EYS: variants seen among roughly 807,000 people sequenced by gnomAD.
EYS encodes the protein protein eyes shut homolog.
EYS carries 250 observed loss-of-function variants against 282.1 expected under a neutral mutation model. That is an observed-to-expected ratio of 0.89 (90% confidence interval 0.80 to 0.98). The LOEUF is 0.98. Among genes scored for constraint, EYS ranks in the 50% least tolerant of loss-of-function variants. The pLI is 0.00. For missense variants in EYS, 4,016 were observed against 3,709.0 expected, an observed-to-expected ratio of 1.08 and a Z score of -2.15; for synonymous variants, 1,355 against 1,282.9, an observed-to-expected ratio of 1.06 and a Z score of -1.20.
intron 15 of EYS, among the ~76,000 whole-genome samples, chr6:64,938,786 T>TTAC (rs1175609203): frequency 2.0e-5 from 3 of 151,702 alleles, no homozygotes; most frequent in African/African-American, 7.2e-5. Flanking sequence ...CATTTCCAAC[T>TTAC]TACAATTTTT....
intron 14 of EYS, among the ~76,000 whole-genome samples, chr6:64,995,500 G>A (rs917539391): frequency 6.6e-6 from 1 of 152,054 alleles, no homozygotes; most frequent in African/African-American, 2.4e-5. Context: ...GCTATGAAAT[G>A]CTTTGAGCTT....
chr6:65,670,255 T>A (rs1457103953), intron 1 of EYS, among the ~76,000 whole-genome samples: 1 of 152,040 alleles, frequency 6.6e-6, no homozygotes, highest in Non-Finnish European at 1.5e-5. Context: ...AAACACTCTC[T>A]CATTAAAAGT....
intron 40 of EYS, among the ~76,000 whole-genome samples, chr6:63,775,993 C>T (rs1351049701): frequency 6.6e-6 from 1 of 152,004 alleles, no homozygotes; most frequent in African/African-American, 2.4e-5. Context: ...TAAGAGGATC[C>T]CCAAACTGGT....
At chr6:64,929,013 G>T (rs955935860) in intron 15 of EYS, among the ~76,000 whole-genome samples, 6 of 152,086 alleles carry the variant, frequency 3.9e-5, no homozygotes, top group African/African-American at 1.4e-4. Flanking sequence ...GGGTTGAATT[G>T]TATCTCCCCA....
chr6:64,886,651 T>G, intron 19 of EYS, 46 bp downstream of exon 19: 1 of 1,444,340 alleles, frequency 6.9e-7, no homozygotes, highest in Non-Finnish European at 9.2e-7. Flanking sequence ...TCTATTTGCT[T>G]GCAGACAGAA....
intron 33 of EYS, among the ~76,000 whole-genome samples, chr6:63,999,458 G>A (rs796587812): frequency 6.6e-5 from 10 of 152,030 alleles, no homozygotes; most frequent in African/African-American, 2.4e-4. Flanking sequence ...AATAAAAAGA[G>A]CTTCATGTGT....
At chr6:63,919,759 C>T (rs2149742841) in intron 35 of EYS, among the ~76,000 whole-genome samples, 1 of 152,354 alleles carries the variant, frequency 6.6e-6, no homozygotes, top group African/African-American at 2.4e-5. Context: ...CACACGTCCA[C>T]TCTGTTTTCT....
intron 33 of EYS, among the ~76,000 whole-genome samples, chr6:64,056,527 T>C (rs190214984): frequency 4.9e-4 from 74 of 152,294 alleles, no homozygotes; most frequent in African/African-American, 1.8e-3. Flanking sequence ...ACTGGAACTG[T>C]GTTTCTATTA....
intron 26 of EYS, among the ~76,000 whole-genome samples, chr6:64,583,632 C>A (rs1365288938): frequency 6.6e-6 from 1 of 152,032 alleles, no homozygotes; most frequent in African/African-American, 2.4e-5. Flanking sequence ...CCCATCTCTA[C>A]TAAAAATACA....
intron 40 of EYS, among the ~76,000 whole-genome samples, chr6:63,770,925 C>T (rs1769912560): frequency 6.6e-6 from 1 of 152,150 alleles, no homozygotes; most frequent in South Asian, 2.1e-4. Flanking sequence ...TCCCCTATGG[C>T]CTTCCTTTCT....
chr6:63,736,634 G>C (rs996241113), intron 41 of EYS, among the ~76,000 whole-genome samples: 56 of 152,108 alleles, frequency 3.7e-4, no homozygotes, highest in Non-Finnish European at 6.5e-4. Context: ...AAAGTCATTG[G>C]TAGCTTGATG....
At chr6:64,062,991 A>G (rs1771230939) in intron 33 of EYS, among the ~76,000 whole-genome samples, 1 of 152,188 alleles carries the variant, frequency 6.6e-6, no homozygotes, top group South Asian at 2.1e-4. Flanking sequence ...AGTGGACTGG[A>G]GCATTCGATA....
chr6:64,585,980 T>G (rs1766222594), intron 26 of EYS, among the ~76,000 whole-genome samples: 1 of 152,134 alleles, frequency 6.6e-6, no homozygotes, highest in African/African-American at 2.4e-5. Flanking sequence ...ACCTTTTAAA[T>G]TGTTCTGTAT....
chr6:64,634,133 G>A (rs554975265), intron 22 of EYS, among the ~76,000 whole-genome samples: 4 of 152,044 alleles, frequency 2.6e-5, no homozygotes, highest in South Asian at 2.1e-4. Flanking sequence ...ACAGGTGTGC[G>A]CCACCAAGCC....
rs373557623 is a variant in EYS at position 65,405,362 on chromosome 6, A to G, written c.868T>C (p.Phe290Leu). The G allele has an allele frequency of 1.9e-5, 31 of 1,604,978 alleles. No individual in the cohort carries two copies. In the East Asian group the frequency reaches 4.5e-4, roughly 23 times the overall value. Residue 290 changes from phenylalanine to leucine, a missense_variant, in exon 6 of 43, where the codon TTC (phenylalanine) becomes CTC (leucine). Coordinates refer to ENST00000503581, the MANE Select transcript of EYS (RefSeq NM_001142800.2). Reference protein sequence around the residue: ...CECDEQFSGPFCEVSAKPCVS... With the variant: ...CECDEQFSGPLCEVSAKPCVS... ...CAAGGTTTTGCTGACACCTCACAGA[A>G]TGGACCTTAAAAAAATCACACACAA...
intron 36 of EYS, among the ~76,000 whole-genome samples, chr6:63,831,790 T>G (rs1582254727): frequency 6.6e-6 from 1 of 152,304 alleles, no homozygotes; most frequent in East Asian, 1.9e-4. Context: ...ATCACACTTA[T>G]TCCAAAATTG....
chr6:65,669,992 CCT>C (rs1380521514), intron 1 of EYS, among the ~76,000 whole-genome samples: 3 of 145,540 alleles, frequency 2.1e-5, no homozygotes, highest in Admixed American at 6.7e-5. Flanking sequence ...CTCCATCATG[CCT>C]CTCTGACTCC....
intron 12 of EYS, among the ~76,000 whole-genome samples, chr6:65,272,629 T>C (rs1201144055): frequency 6.6e-6 from 1 of 152,146 alleles, no homozygotes; most frequent in Non-Finnish European, 1.5e-5. Context: ...CTGTATTAGT[T>C]ATGGAAACAG....
intron 13 of EYS, among the ~76,000 whole-genome samples, chr6:65,031,567 C>T (rs1019805722): frequency 6.6e-6 from 1 of 151,960 alleles, no homozygotes; most frequent in African/African-American, 2.4e-5. Flanking sequence ...AAAATTAATA[C>T]CAGAAAGATC....
Sources: allele counts gnomAD v4.1 joint callset (sites outside exome capture counted in the v4.1 genomes callset), GRCh38; gene constraint gnomAD v4.1.1; transcripts MANE v1.5; gene names NCBI Gene and HGNC (gene_info 2026-07-23, HGNC 2026-07-21).